Variants in PDE4D observed in about 807,000 individuals in gnomAD.
PDE4D encodes phosphodiesterase 4D.
In PDE4D, 24 loss-of-function variants were observed where a neutral mutation model predicts 87.4. The observed-to-expected ratio is 0.27, with a 90% CI of 0.20 to 0.39. PDE4D has a LOEUF of 0.39. Ranked by LOEUF, PDE4D falls within the 10% of genes least tolerant of loss-of-function variation. The probability of loss-of-function intolerance (pLI) is 1.00; values close to 1 mark genes in which losing one functional copy is unlikely to be tolerated. For missense variants in PDE4D, 714 were observed against 1,041.0 expected (o/e 0.69, Z 4.32); for synonymous variants, 384 against 383.2 (o/e 1.00, Z -0.02).
intron 5 of PDE4D, among the ~76,000 whole-genome samples, chr5:59,142,559 C>T (rs114466690): frequency 0.038 from 5,848 of 152,258 alleles, 328 homozygotes; most frequent in African/African-American, 0.12. Flanking sequence ...TGCCTAAAGG[C>T]GAGCCTTTTT....
At chr5:60,249,537 G>T (rs901076622) in intron 1 of PDE4D, among the ~76,000 whole-genome samples, 1 of 152,024 alleles carries the variant, frequency 6.6e-6, no homozygotes, top group Non-Finnish European at 1.5e-5. Flanking sequence ...CAAACAGGCT[G>T]CTAAGGAGAG....
At chr5:59,676,682 T>G (rs2150349255) in intron 1 of PDE4D, among the ~76,000 whole-genome samples, 1 of 152,336 alleles carries the variant, frequency 6.6e-6, no homozygotes, top group South Asian at 2.1e-4. Context: ...TTTAAATTGA[T>G]ACATAATAAT....
chr5:60,081,324 C>CA (rs35584107), intron 2 of PDE4D, among the ~76,000 whole-genome samples: 50,749 of 140,636 alleles, frequency 0.36, 9,341 homozygotes, highest in East Asian at 0.73. Flanking sequence ...TTAGTTTTTT[C>CA]AAAAAAAAAA....
chr5:59,197,206 T>C (rs1301253051), intron 2 of PDE4D, among the ~76,000 whole-genome samples: 2 of 152,350 alleles, frequency 1.3e-5, no homozygotes, highest in East Asian at 1.9e-4. Flanking sequence ...TGCATATTTA[T>C]TAAAACATTT....
chr5:59,206,324 T>G (rs1748784072), intron 2 of PDE4D, among the ~76,000 whole-genome samples: 1 of 152,212 alleles, frequency 6.6e-6, no homozygotes, highest in Admixed American at 6.5e-5. Context: ...TGTTTATTTA[T>G]AGAAGCACAT....
rs989908985 is a variant in PDE4D, at chr5:59,442,592, TAAC to T, written c.456-226627_456-226625del. ...TGGAGGTAAGAAGACAGCGGTGATT[TAAC>T]AACATGTTTTGGAGACTTTCTGCAA... On this transcript the variant is annotated intron_variant, in intron 1 of 14. Coordinates refer to ENST00000340635, the MANE Select transcript of PDE4D (RefSeq NM_001104631.2). Among the ~76,000 whole-genome samples the T allele has an allele frequency of 3.5e-4, 54 of 152,338 alleles. 1 individual carries two copies. Among genetic ancestry groups the T allele is most frequent in the Admixed American group, 3.3e-3 (51 of 15,300 alleles).
chr5:59,910,623 T>C (rs1753338927), intron 3 of PDE4D, among the ~76,000 whole-genome samples: 1 of 152,234 alleles, frequency 6.6e-6, no homozygotes, highest in African/African-American at 2.4e-5. Context: ...TTGACTGTTT[T>C]ATACCCAGTT....
chr5:59,981,417 T>C (rs1464919820), intron 3 of PDE4D, among the ~76,000 whole-genome samples: 3 of 152,220 alleles, frequency 2.0e-5, no homozygotes, highest in African/African-American at 4.8e-5. Context: ...AAATTGCATG[T>C]AAATCAATCA....
At chr5:59,617,363 T>C (rs539635060) in intron 1 of PDE4D, among the ~76,000 whole-genome samples, 188 of 152,126 alleles carry the variant, frequency 1.2e-3, no homozygotes, top group Non-Finnish European at 2.4e-3. Flanking sequence ...AAAGCTAATA[T>C]TGATCTATGA....
At chr5:59,417,110 T>C (rs950372336) in intron 1 of PDE4D, among the ~76,000 whole-genome samples, 13 of 152,156 alleles carry the variant, frequency 8.5e-5, no homozygotes, top group Non-Finnish European at 1.3e-4. Flanking sequence ...TTTTAACATA[T>C]TGGCTGTATA....
chr5:59,296,206 A>G (rs1487222256), intron 1 of PDE4D, among the ~76,000 whole-genome samples: 2 of 152,116 alleles, frequency 1.3e-5, no homozygotes, highest in Non-Finnish European at 2.9e-5. Flanking sequence ...ATTTATGTTG[A>G]GTGGCTAATG....
At chr5:59,023,604 C>T (rs1055856072) in intron 6 of PDE4D, among the ~76,000 whole-genome samples, 2 of 152,166 alleles carry the variant, frequency 1.3e-5, no homozygotes, top group African/African-American at 4.8e-5. Flanking sequence ...TGCAGTAAGC[C>T]ATGATGGCGC....
chr5:60,418,007 G>T (rs2150081240), intron 1 of PDE4D, among the ~76,000 whole-genome samples: 1 of 152,264 alleles, frequency 6.6e-6, no homozygotes, highest in South Asian at 2.1e-4. Flanking sequence ...CTGAAAAAGA[G>T]ACTCCTGAAT....
intron 1 of PDE4D, among the ~76,000 whole-genome samples, chr5:60,280,102 T>C (rs1031783746): frequency 2.0e-5 from 3 of 152,104 alleles, no homozygotes; most frequent in Non-Finnish European, 4.4e-5. Flanking sequence ...AAAGGAGAGA[T>C]ACTCTATTTC....
chr5:59,358,834 T>A (rs1289552602), intron 1 of PDE4D, among the ~76,000 whole-genome samples: 2 of 152,152 alleles, frequency 1.3e-5, no homozygotes, highest in Non-Finnish European at 2.9e-5. Flanking sequence ...AAAGCTCTCA[T>A]TTTGTCCAGT....
chr5:60,434,695 A>G (rs1273734090), intron 1 of PDE4D, among the ~76,000 whole-genome samples: 3 of 152,116 alleles, frequency 2.0e-5, no homozygotes, highest in African/African-American at 7.2e-5. Flanking sequence ...TAGAATCTGA[A>G]TCCATTCCTA....
chr5:59,371,084 T>C lies in PDE4D; in HGVS notation c.456-155116A>G, dbSNP rs564248194. 3.3e-5 allele frequency among the ~76,000 whole-genome samples: 5 copies of C among 152,300 alleles called. No individual in the cohort carries two copies. The East Asian group carries it at 5.8e-4, about 18-fold the overall frequency. ...CTCATCAGCTATCATATTGGTGTAT[T>C]TTATATGGGGCCCAAGACAATTCTT... On this transcript the variant is annotated intron_variant, in intron 1 of 14. Coordinates refer to ENST00000340635, the MANE Select transcript of PDE4D (RefSeq NM_001104631.2).
chr5:59,879,166 C>T (rs1172172146), intron 1 of PDE4D, among the ~76,000 whole-genome samples: 1 of 152,150 alleles, frequency 6.6e-6, no homozygotes, highest in Non-Finnish European at 1.5e-5. Flanking sequence ...TCCCAAAGTG[C>T]TGGGATTACA....
At chr5:60,399,712 C>CA (rs909570452) in intron 1 of PDE4D, among the ~76,000 whole-genome samples, 2 of 152,266 alleles carry the variant, frequency 1.3e-5, no homozygotes, top group Non-Finnish European at 2.9e-5. Context: ...CCAAGGCCAA[C>CA]ACCAGCAGTG....
Sources: gnomAD v4.1 joint callset for allele counts (sites outside exome capture counted in the v4.1 genomes callset) on GRCh38, gnomAD v4.1.1 for gene constraint, MANE v1.5 for transcripts, NCBI Gene and HGNC (gene_info 2026-07-23, HGNC 2026-07-21) for gene names.